ASIC2: variants seen among roughly 807,000 people sequenced by gnomAD.
The protein encoded by ASIC2 is acid sensing ion channel subunit 2, also known as acid-sensing ion channel 2.
ASIC2 carries 25 observed loss-of-function variants against 57.3 expected under a neutral mutation model. The observed-to-expected ratio is 0.44, with a 90% CI of 0.32 to 0.61. ASIC2 has a LOEUF of 0.61. Ranked by LOEUF, ASIC2 falls within the 20% of genes least tolerant of loss-of-function variation. ASIC2 has a pLI of 0.06. For synonymous variants in ASIC2, 319 were observed against 307.5 expected (o/e 1.04, Z -0.39); for missense variants, 641 against 738.1 (o/e 0.87, Z 1.52).
At position 33,201,990 on chromosome 17, in the gene ASIC2, C is replaced by T. The variant is rs1906882908; in HGVS notation, c.708+89418G>A. Among the ~76,000 whole-genome samples the T allele has an allele frequency of 2.9e-5, 4 of 136,248 alleles. No individual in the cohort carries two copies. In the South Asian group the frequency reaches 9.3e-4, roughly 32 times the overall value. The allele number at this position is 136,248 out of a possible 152,430, so 89.4% of individuals were successfully genotyped here. ...GGGATTGCAGTGGACCAAGATCATG[C>T]CACTTGGTGACACGGTGAGACTGTC... On this transcript the variant is annotated intron_variant, in intron 1 of 9. Transcript: ENST00000225823.
chr17:33,096,531 C>G (rs1057308913), intron 2 of ASIC2, among the ~76,000 whole-genome samples: 4 of 152,214 alleles, frequency 2.6e-5, no homozygotes, highest in African/African-American at 9.7e-5. Flanking sequence ...CCAGAGTCCT[C>G]GGACACCTGT....
chr17:34,038,436 C>T, intron 1 of ASIC2: 3 of 1,612,284 alleles, frequency 1.9e-6, no homozygotes, highest in Non-Finnish European at 2.5e-6. Context: ...TCCTTTTTCT[C>T]ATCTCTCCAG....
intron 1 of ASIC2, among the ~76,000 whole-genome samples, chr17:34,152,822 G>A (rs756258182): frequency 7.2e-5 from 11 of 152,140 alleles, no homozygotes; most frequent in Non-Finnish European, 8.8e-5. Context: ...CCAACACCAT[G>A]GGCAGAGACA....
chr17:33,093,447 A>AGT (rs1283866939), intron 2 of ASIC2, among the ~76,000 whole-genome samples: 1 of 152,124 alleles, frequency 6.6e-6, no homozygotes, highest in Non-Finnish European at 1.5e-5. Context: ...AGAGAGAGAG[A>AGT]GAGTGCAGAG....
At chr17:33,644,098 C>T (rs1358017428) in intron 1 of ASIC2, among the ~76,000 whole-genome samples, 2 of 152,164 alleles carry the variant, frequency 1.3e-5, no homozygotes, top group African/African-American at 4.8e-5. Flanking sequence ...CCAAGTCACC[C>T]TCTTGGTCAG....
At chr17:33,677,156 G>T (rs1467018892) in intron 1 of ASIC2, among the ~76,000 whole-genome samples, 2 of 152,158 alleles carry the variant, frequency 1.3e-5, no homozygotes. Context: ...GCCTAATATA[G>T]GTGGCTACAC....
chr17:33,838,851 C>T (rs1036978984), intron 1 of ASIC2, among the ~76,000 whole-genome samples: 4 of 152,176 alleles, frequency 2.6e-5, no homozygotes, highest in Non-Finnish European at 4.4e-5. Flanking sequence ...GTCTTTAAAG[C>T]TCCACAAGTC....
intron 1 of ASIC2, chr17:33,534,170 TAAC>T (rs965238174): frequency 6.6e-6 from 1 of 152,168 alleles, no homozygotes; most frequent in Non-Finnish European, 1.5e-5. Context: ...CTACTCATCG[TAAC>T]AACACCTCAC....
At chr17:33,752,137 T>C (rs908587280) in intron 1 of ASIC2, among the ~76,000 whole-genome samples, 2 of 152,086 alleles carry the variant, frequency 1.3e-5, no homozygotes, top group Non-Finnish European at 2.9e-5. Context: ...CAGGAACACA[T>C]ACACAGAGTA....
chr17:33,321,578 T>C (rs1187338778), intron 1 of ASIC2, among the ~76,000 whole-genome samples: 6 of 152,202 alleles, frequency 3.9e-5, no homozygotes, highest in Admixed American at 3.9e-4. Context: ...AGATTAAAGA[T>C]TATATTTCTA....
chr17:33,689,186 G>A (rs895939662), intron 1 of ASIC2: 12 of 152,178 alleles, frequency 7.9e-5, no homozygotes, highest in African/African-American at 2.9e-4. Context: ...CCATGTGCTT[G>A]TTTACTTTTC....
chr17:33,976,078 G>A (rs555678259), intron 1 of ASIC2, among the ~76,000 whole-genome samples: 2 of 145,892 alleles, frequency 1.4e-5, no homozygotes, highest in Non-Finnish European at 3.0e-5. Context: ...TCATCTGCTC[G>A]AATGTCACGT....
chr17:34,105,614 T>C (rs907393346), intron 1 of ASIC2, among the ~76,000 whole-genome samples: 1 of 151,818 alleles, frequency 6.6e-6, no homozygotes, highest in African/African-American at 2.4e-5. Flanking sequence ...ATTAGCTTCA[T>C]CCCTTGCTTG....
intron 1 of ASIC2, among the ~76,000 whole-genome samples, chr17:33,668,405 G>T (rs562893114): frequency 1.5e-3 from 227 of 148,548 alleles, no homozygotes; most frequent in South Asian, 3.0e-3. Context: ...TTTTCCAGCT[G>T]TTAGAAGCTG....
chr17:33,773,390 A>T (rs1406741660), intron 1 of ASIC2, among the ~76,000 whole-genome samples: 5 of 152,272 alleles, frequency 3.3e-5, no homozygotes, highest in South Asian at 4.1e-4. Context: ...CTGCTGCTCA[A>T]CTGAGCAGAG....
At chr17:33,423,570 T>G (rs1911115493) in intron 1 of ASIC2, among the ~76,000 whole-genome samples, 1 of 152,172 alleles carries the variant, frequency 6.6e-6, no homozygotes, top group Non-Finnish European at 1.5e-5. Flanking sequence ...TTCTCCAGGG[T>G]GTAGCACCCT....
At chr17:33,356,444 T>C (rs905157992) in intron 1 of ASIC2, among the ~76,000 whole-genome samples, 3 of 152,082 alleles carry the variant, frequency 2.0e-5, no homozygotes, top group Admixed American at 6.6e-5. Flanking sequence ...AGGAAAGGCA[T>C]TCATGCTGGG....
At chr17:33,869,630 C>G (rs564582561) in intron 1 of ASIC2, among the ~76,000 whole-genome samples, 1 of 152,018 alleles carries the variant, frequency 6.6e-6, no homozygotes. Flanking sequence ...AGTAAAAGAA[C>G]AAAGTTAGAA....
At chr17:33,807,132 G>T (rs1912290749) in intron 1 of ASIC2, among the ~76,000 whole-genome samples, 1 of 152,164 alleles carries the variant, frequency 6.6e-6, no homozygotes, top group Non-Finnish European at 1.5e-5. Context: ...CAATCAGCCA[G>T]TCATCTCCCC....
Sources: allele counts gnomAD v4.1 joint callset (sites outside exome capture counted in the v4.1 genomes callset), GRCh38; gene constraint gnomAD v4.1.1; transcripts MANE v1.5; gene names NCBI Gene and HGNC (gene_info 2026-07-23, HGNC 2026-07-21).